Variants in CSMD1 observed in about 807,000 individuals in gnomAD.
CSMD1 encodes the protein CUB and Sushi multiple domains 1, also known as CUB and sushi domain-containing protein 1.
Under a neutral mutation model 417.5 loss-of-function variants are expected in CSMD1, and 213 were observed. That is an observed-to-expected ratio of 0.51 (90% CI 0.46 to 0.57). The LOEUF is 0.57. Among genes scored for constraint, CSMD1 ranks in the 20% least tolerant of loss-of-function variants. CSMD1 has a pLI of 0.00. For synonymous variants in CSMD1, 2,862 were observed against 1,736.8 expected (o/e 1.65, Z -16.11); for missense variants, 6,923 against 4,529.7 (o/e 1.53, Z -15.17).
At chr8:4,140,719 A>G (rs994248203) in intron 3 of CSMD1, among the ~76,000 whole-genome samples, 4 of 150,786 alleles carry the variant, frequency 2.7e-5, no homozygotes, top group African/African-American at 7.5e-5. Context: ...TGTTCTGGAC[A>G]ATCTGTAAGT....
chr8:4,774,564 T>C (rs991995007), intron 1 of CSMD1, among the ~76,000 whole-genome samples: 3 of 152,182 alleles, frequency 2.0e-5, no homozygotes, highest in African/African-American at 7.2e-5. Flanking sequence ...ATTCTGATAA[T>C]ACAGAATTAA....
At chr8:3,611,522 C>G (rs12543718) in intron 8 of CSMD1, among the ~76,000 whole-genome samples, 1,814 of 150,884 alleles carry the variant, frequency 0.012, 15 homozygotes, top group Non-Finnish European at 0.021. Flanking sequence ...TCTTTTACTT[C>G]AAGGAAAATG....
intron 56 of CSMD1, 34 bp downstream of exon 56, chr8:2,974,417 T>A (rs781409546): frequency 4.7e-6 from 7 of 1,483,180 alleles, no homozygotes; most frequent in Middle Eastern, 2.0e-4. Flanking sequence ...ATTTGAAATC[T>A]GTAATTCTGT....
intron 10 of CSMD1, among the ~76,000 whole-genome samples, chr8:3,520,010 G>A (rs546074792): frequency 1.3e-4 from 16 of 124,672 alleles, no homozygotes; most frequent in African/African-American, 5.6e-4. Context: ...ATGTGTGTGT[G>A]TGTATATACC....
At chr8:4,136,700 C>T (rs1460972897) in intron 3 of CSMD1, among the ~76,000 whole-genome samples, 4 of 152,150 alleles carry the variant, frequency 2.6e-5, no homozygotes, top group African/African-American at 7.2e-5. Context: ...TCAGAGACTA[C>T]GTAACATCTT....
chr8:4,915,290 C>A (rs1292709501), intron 1 of CSMD1, among the ~76,000 whole-genome samples: 1 of 152,124 alleles, frequency 6.6e-6, no homozygotes, highest in Non-Finnish European at 1.5e-5. Flanking sequence ...TAACACCCCT[C>A]CCAAAAGCAG....
chr8:4,750,071 T>C (rs1811205958), intron 1 of CSMD1, among the ~76,000 whole-genome samples: 1 of 152,070 alleles, frequency 6.6e-6, no homozygotes, highest in Admixed American at 6.6e-5. Context: ...CAGTGGGCGA[T>C]CTCGGCTCAC....
At chr8:4,115,948 A>T (rs527759849) in intron 3 of CSMD1, among the ~76,000 whole-genome samples, 2 of 151,736 alleles carry the variant, frequency 1.3e-5, no homozygotes, top group Middle Eastern at 6.8e-3. Flanking sequence ...ACACCAAGAA[A>T]ACAGGGTTTT....
At chr8:4,536,909 G>A (rs1797130442) in intron 2 of CSMD1, among the ~76,000 whole-genome samples, 1 of 152,174 alleles carries the variant, frequency 6.6e-6, no homozygotes, top group Admixed American at 6.5e-5. Flanking sequence ...GGGAGAAATT[G>A]TAAAACTGTG....
intron 21 of CSMD1, among the ~76,000 whole-genome samples, chr8:3,355,904 G>A (rs960318287): frequency 1.3e-5 from 2 of 152,126 alleles, no homozygotes; most frequent in Admixed American, 6.5e-5. Flanking sequence ...GAGGGTTTGA[G>A]CATTGAGGTT....
chr8:4,780,199 T>G (rs1270676806), intron 1 of CSMD1, among the ~76,000 whole-genome samples: 1 of 152,200 alleles, frequency 6.6e-6, no homozygotes, highest in Non-Finnish European at 1.5e-5. Flanking sequence ...GATAGGGGAT[T>G]ATGTGTAAAA....
At chr8:3,646,306 A>G (rs1389978472) in intron 7 of CSMD1, among the ~76,000 whole-genome samples, 3 of 152,164 alleles carry the variant, frequency 2.0e-5, no homozygotes, top group Admixed American at 6.5e-5. Context: ...AAATATACTA[A>G]ATATACTAAA....
chr8:4,384,912 G>A (rs920768031), intron 3 of CSMD1, among the ~76,000 whole-genome samples: 1 of 152,146 alleles, frequency 6.6e-6, no homozygotes, highest in African/African-American at 2.4e-5. Context: ...TGGCTGGATG[G>A]CTTCCAGATC....
At chr8:4,194,291 A>G (rs1256410123) in intron 3 of CSMD1, among the ~76,000 whole-genome samples, 1 of 152,190 alleles carries the variant, frequency 6.6e-6, no homozygotes, top group Non-Finnish European at 1.5e-5. Context: ...ATAATATAAA[A>G]TGTTCCCAAG....
chr8:3,450,977 T>C (rs1382756314), intron 12 of CSMD1, among the ~76,000 whole-genome samples: 1 of 152,172 alleles, frequency 6.6e-6, no homozygotes, highest in Non-Finnish European at 1.5e-5. Context: ...CCAGCACCTG[T>C]TGTTTCCTGA....
intron 50 of CSMD1, among the ~76,000 whole-genome samples, chr8:3,031,136 C>T (rs1810313824): frequency 6.6e-6 from 1 of 151,926 alleles, no homozygotes. Flanking sequence ...CTGAAAAGCC[C>T]TTAAAGGCTT....
intron 5 of CSMD1, among the ~76,000 whole-genome samples, chr8:3,767,986 A>G (rs536214624): frequency 2.8e-4 from 43 of 152,316 alleles, no homozygotes; most frequent in Admixed American, 6.5e-4. Context: ...TAAATATTTC[A>G]TATGTCTTTG....
chr8:4,056,101 A>G (rs1199400702), intron 3 of CSMD1, among the ~76,000 whole-genome samples: 1 of 6,650 alleles, frequency 1.5e-4, no homozygotes, highest in African/African-American at 4.4e-4. Flanking sequence ...TTTTTTTTTG[A>G]GACAGAGTCT....
intron 1 of CSMD1, among the ~76,000 whole-genome samples, chr8:4,835,514 G>A (rs973350081): frequency 6.6e-6 from 1 of 152,134 alleles, no homozygotes. Flanking sequence ...AATGAGGTAC[G>A]CAAATCCAGT....
Sources: gnomAD v4.1 joint callset for allele counts (sites outside exome capture counted in the v4.1 genomes callset) on GRCh38, gnomAD v4.1.1 for gene constraint, MANE v1.5 for transcripts, NCBI Gene and HGNC (gene_info 2026-07-23, HGNC 2026-07-21) for gene names.